The following BDKRB2 variants were observed in gnomAD, a reference collection of about 807,000 sequenced individuals.
BDKRB2 encodes bradykinin receptor B2, also known as B2 bradykinin receptor.
BDKRB2 carries 6 observed loss-of-function variants against 4.0 expected under a neutral mutation model. That is an observed-to-expected ratio of 1.49 (90% CI 0.81 to 2.93). The LOEUF is 2.93. Ranked by LOEUF, BDKRB2 falls within the 30% of genes most tolerant of loss-of-function variation. The pLI, the probability that BDKRB2 is intolerant of heterozygous loss-of-function variation, is 0.00. For missense variants in BDKRB2, 478 were observed against 520.1 expected (o/e 0.92, Z 0.79); for synonymous variants, 225 against 215.3 (o/e 1.05, Z -0.40).
At chr14:96,230,925 A>C (rs532450299) in intron 1 of BDKRB2, among the ~76,000 whole-genome samples, 1 of 150,830 alleles carries the variant, frequency 6.6e-6, no homozygotes, top group South Asian at 2.1e-4. Flanking sequence ...CTAGTTATTT[A>C]TTTATTTATT....
intron 1 of BDKRB2, among the ~76,000 whole-genome samples, chr14:96,212,713 A>G (rs4900313): frequency 0.87 from 132,765 of 152,188 alleles, 58,118 homozygotes; most frequent in African/African-American, 0.91. Context: ...TGCCTGGGAA[A>G]CAAGATTTGC....
Position 96,207,112 on chromosome 14 carries a change from G to T in BDKRB2, c.-40+2153G>T, listed in dbSNP as rs561515009. ...ATTAAGTCTCAACAGGTGAATTTTG[G>T]AGGGACACAGGCATTTGGATCATAG... On this transcript the variant is annotated intron_variant, in intron 1 of 2. Transcript: ENST00000554311. Among the ~76,000 whole-genome samples the T allele has an allele frequency of 5.3e-5, 8 of 152,216 alleles. 1 individual carries two copies. The South Asian group carries it at 1.7e-3, about 32-fold the overall frequency.
chr14:96,228,274 T>G (rs907043951), intron 1 of BDKRB2, among the ~76,000 whole-genome samples: 1 of 152,226 alleles, frequency 6.6e-6, no homozygotes, highest in African/African-American at 2.4e-5. Flanking sequence ...TAATGCTCTT[T>G]TAGAAGTTGC....
rs545381498 is a variant in BDKRB2, at chr14:96,208,034, G to T, written c.-40+3075G>T. Among the ~76,000 whole-genome samples the T allele has an allele frequency of 4.6e-5, 7 of 152,284 alleles. No homozygotes were observed. The South Asian group carries it at 1.5e-3, about 32-fold the overall frequency. On this transcript the variant is annotated intron_variant, in intron 1 of 2. Transcript: ENST00000554311. ...CATTCCATCTTAGGAGAGTTCTACT[G>T]TTTAAAAGCTCTTCCTCCAACTGCC...
chr14:96,224,489 G>T (rs61193624), intron 1 of BDKRB2, among the ~76,000 whole-genome samples: 10,248 of 152,216 alleles, frequency 0.067, 463 homozygotes, highest in East Asian at 0.25. Context: ...AAGATATGTT[G>T]CAGGCACTTT....
intron 1 of BDKRB2, among the ~76,000 whole-genome samples, chr14:96,216,697 GAGGAGGAAGGAGGAGGAAGAGGA>G: frequency 3.9e-5 from 5 of 126,618 alleles, no homozygotes; most frequent in African/African-American, 6.0e-5. Flanking sequence ...GAGGAGGAAG[GAGGAGGAAGGAGGAGGAAGAGGA>G]AGGAGGAGGA....
chr14:96,240,005 G>T, intron 2 of BDKRB2: 4 of 1,002,496 alleles, frequency 4.0e-6, no homozygotes, highest in Non-Finnish European at 4.8e-6. Flanking sequence ...CCCACCACAC[G>T]GCTTTGAGAG....
At position 96,241,503 on chromosome 14, in the gene BDKRB2, G is replaced by C; in HGVS notation, c.1175G>C (p.Ter392SerextTer14). ...CAGGACTGGGCAGGGAGCAGACAGT[G>C]AGCAAACGCCAGCAGGGCTGCTGTG... ...KLQDWAGSRQ[*>S] Residue 392 changes from the stop codon to serine (S), a stop_lost, in exon 3 of 3, where the codon TGA (stop) becomes TCA (serine). Transcript: ENST00000554311. The C allele has an allele frequency of 2.0e-6, 3 of 1,521,912 alleles. No individual in the cohort carries two copies. Among genetic ancestry groups the C allele is most frequent in the Non-Finnish European group, 2.6e-6 (3 of 1,142,660 alleles). The allele number at this position is 1,521,912 out of a possible 1,614,324, so 94.3% of individuals were successfully genotyped here.
At chr14:96,215,554 G>A (rs573038807) in intron 1 of BDKRB2, among the ~76,000 whole-genome samples, 1 of 152,090 alleles carries the variant, frequency 6.6e-6, no homozygotes, top group African/African-American at 2.4e-5. Flanking sequence ...GACAGGTTTG[G>A]GAGCCACTAA....
Position 96,240,741 on chromosome 14 carries a change from C to A in BDKRB2, c.413C>A (p.Ser138Tyr). Residue 138 changes from serine (S) to tyrosine (Y), a missense_variant, in exon 3 of 3, where the codon TCC becomes TAC. By Grantham distance (144) the Ser-to-Tyr change is moderately radical. Coordinates refer to ENST00000554311, the MANE Select transcript of BDKRB2 (RefSeq NM_001379692.1). ...TGCCGCGTGGTGAATGCCATTATCT[C>A]CATGAACCTGTACAGCAGCATCTGT... ...TLCRVVNAII[S>Y]MNLYSSICFL... The A allele has an allele frequency of 6.3e-7, 1 of 1,594,748 alleles. No individual in the cohort carries two copies.
rs117862813 is a variant in BDKRB2, at chr14:96,239,809, C to T, written c.75-594C>T. ...GACTATCTGGCTGCAAAGTCCCCACCCTCCCTCGCCATCTGTATCCTCCAA... is the reference window on the plus strand; with the variant it reads ...GACTATCTGGCTGCAAAGTCCCCACTCTCCCTCGCCATCTGTATCCTCCAA... On this transcript the variant is annotated intron_variant, in intron 2 of 2. Transcript: ENST00000554311. The T allele has an allele frequency of 3.4e-3, 3,395 of 985,394 alleles. 7 individuals carry two copies. Among genetic ancestry groups the T allele is most frequent in the Non-Finnish European group, 3.9e-3 (3,266 of 829,924 alleles). 61.0% of individuals were successfully genotyped at this position (985,394 alleles called of 1,614,324 possible).
intron 1 of BDKRB2, among the ~76,000 whole-genome samples, chr14:96,235,615 T>C (rs1890913161): frequency 6.6e-6 from 1 of 152,224 alleles, no homozygotes; most frequent in Non-Finnish European, 1.5e-5. Context: ...CTTCATTTCC[T>C]GTTTACCAAC....
intron 1 of BDKRB2, among the ~76,000 whole-genome samples, chr14:96,229,830 G>A (rs1326463400): frequency 2.0e-5 from 3 of 151,964 alleles, no homozygotes; most frequent in Admixed American, 6.6e-5. Context: ...AAATTAAATT[G>A]AAAATAAAAT....
intron 1 of BDKRB2, among the ~76,000 whole-genome samples, chr14:96,226,228 C>T (rs182934720): frequency 6.6e-6 from 1 of 152,294 alleles, no homozygotes; most frequent in Admixed American, 6.5e-5. Flanking sequence ...TTGATGTAAG[C>T]TCCCCACTCT....
chr14:96,240,990 A>T lies in BDKRB2; in HGVS notation c.662A>T (p.Glu221Val). ...CVISYPSLIW[E>V]VFTNMLLNVV... ...ATCAGCTACCCATCCCTCATCTGGG[A>T]AGTGTTCACCAACATGCTCCTGAAT... Residue 221 changes from glutamate to valine, a missense_variant, in exon 3 of 3, where the codon GAA (glutamate) becomes GTA (valine). By Grantham distance (121) the Glu-to-Val change is moderately radical. Transcript: ENST00000554311. The T allele has an allele frequency of 6.3e-7, 1 of 1,599,338 alleles. No homozygotes were observed. The highest frequency in any genetic ancestry group is 8.5e-7 in the Non-Finnish European group (1 of 1,169,950).
chr14:96,230,959 AT>A (rs60273126), intron 1 of BDKRB2, among the ~76,000 whole-genome samples: 11,446 of 151,592 alleles, frequency 0.076, 757 homozygotes, highest in East Asian at 0.18. Flanking sequence ...GAGAGATGTT[AT>A]TTTTTTTAAG....
rs1308859448 is a variant in BDKRB2, at chr14:96,242,610, CA to C, written c.*1107del. 1 of 152,296 alleles carries C rather than the reference CA, an allele frequency of 6.6e-6. No homozygotes were observed. The highest frequency in any genetic ancestry group is 1.5e-5 in the Non-Finnish European group (1 of 68,100). The allele number at this position is 152,296 out of a possible 1,614,324, so 9.4% of individuals were successfully genotyped here. On this transcript the variant is annotated 3_prime_UTR_variant, in exon 3 of 3. Transcript: ENST00000554311. Reference sequence around the variant, plus strand: ...GCTCCCTTCCACCTGTCATTCCCACCACCCTGAGGCCCCAACCGCCACACAC... The same window carrying C: ...GCTCCCTTCCACCTGTCATTCCCACCCCCTGAGGCCCCAACCGCCACACAC...
chr14:96,215,347 A>G (rs1890393254), intron 1 of BDKRB2, among the ~76,000 whole-genome samples: 2 of 152,150 alleles, frequency 1.3e-5, no homozygotes. Flanking sequence ...AAGATCATGT[A>G]TTTAACCAAC....
At chr14:96,226,325 C>T (rs746275497) in intron 1 of BDKRB2, among the ~76,000 whole-genome samples, 1 of 152,158 alleles carries the variant, frequency 6.6e-6, no homozygotes, top group Non-Finnish European at 1.5e-5. Flanking sequence ...CTGTGTCTTC[C>T]ACCTGCAATG....
Sources: gnomAD v4.1 joint callset for allele counts (sites outside exome capture counted in the v4.1 genomes callset) on GRCh38, gnomAD v4.1.1 for gene constraint, MANE v1.5 for transcripts, NCBI Gene and HGNC (gene_info 2026-07-23, HGNC 2026-07-21) for gene names.